PRKN: variants seen among roughly 807,000 people sequenced by gnomAD.
PRKN encodes the protein E3 ubiquitin-protein ligase parkin.
PRKN carries 56 observed loss-of-function variants against 59.5 expected under a neutral mutation model. That is an observed-to-expected ratio of 0.94 (90% CI 0.76 to 1.18). The LOEUF (loss-of-function observed/expected upper bound fraction) is 1.18, where lower values mean the gene tolerates loss of function less well. PRKN is among the 50% of genes most tolerant of loss of function. PRKN has a pLI of 0.00. For synonymous variants in PRKN, 250 were observed against 222.1 expected (o/e 1.13, Z -1.12); for missense variants, 657 against 596.4 (o/e 1.10, Z -1.06).
rs992284650 is a variant in PRKN, at chr6:161,457,864, T to C, written c.1084-70987A>G. ...ATGTAAGTTAAAGAAATAGTGGCCT[T>C]CTTTTGTCTTTCCTTTGTAGTTTTT... On this transcript the variant is annotated intron_variant, in intron 9 of 11. Coordinates refer to ENST00000366898, the MANE Select transcript of PRKN (RefSeq NM_004562.3). The surrounding 1 kb of genome is among the most constrained non-coding windows in gnomAD (Gnocchi z 5.0). Among the ~76,000 whole-genome samples the C allele has an allele frequency of 2.0e-5, 3 of 152,374 alleles. No individual in the cohort carries two copies. The highest frequency in any genetic ancestry group is 3.9e-4 in the East Asian group (2 of 5,180).
chr6:161,512,369 T>C lies in PRKN; in HGVS notation c.1083+36485A>G, dbSNP rs190155406. On this transcript the variant is annotated intron_variant, in intron 9 of 11. Transcript: ENST00000366898. ...GGCTCTGGTGCATAAGACAATATAATAAAATTATAGGGAAACAATATGATA... is the reference window on the plus strand; with the variant it reads ...GGCTCTGGTGCATAAGACAATATAACAAAATTATAGGGAAACAATATGATA... Among the ~76,000 whole-genome samples the C allele has an allele frequency of 4.5e-3, 683 of 151,956 alleles. 8 individuals are homozygous for C. Among genetic ancestry groups the C allele is most frequent in the African/African-American group, 0.016 (658 of 41,414 alleles).
intron 4 of PRKN, among the ~76,000 whole-genome samples, chr6:162,078,005 A>T (rs1419843358): frequency 3.4e-4 from 2 of 5,836 alleles, no homozygotes; most frequent in African/African-American, 7.6e-4. Context: ...TCTCTCTAAA[A>T]AAAAAAAAAA....
chr6:161,709,926 T>G (rs1786668562), intron 7 of PRKN, among the ~76,000 whole-genome samples: 1 of 152,150 alleles, frequency 6.6e-6, no homozygotes, highest in South Asian at 2.1e-4. Flanking sequence ...GCAAATATAT[T>G]AGAAAAGTTA....
At chr6:162,078,521 T>C (rs1348679483) in intron 4 of PRKN, among the ~76,000 whole-genome samples, 1 of 152,102 alleles carries the variant, frequency 6.6e-6, no homozygotes, top group African/African-American at 2.4e-5. Flanking sequence ...CTAATTTAGA[T>C]GACATTTACC....
chr6:162,438,416 T>G (rs1789887186), intron 2 of PRKN, among the ~76,000 whole-genome samples: 1 of 152,208 alleles, frequency 6.6e-6, no homozygotes, highest in African/African-American at 2.4e-5. Flanking sequence ...TTCCTTTTTT[T>G]GTTGTTTCAT....
chr6:162,357,416 A>G lies in PRKN; in HGVS notation c.171+85894T>C, dbSNP rs190807159. On this transcript the variant is annotated intron_variant, in intron 2 of 11. Coordinates refer to ENST00000366898, the MANE Select transcript of PRKN (RefSeq NM_004562.3). ...GCTCACCATCATATGTCATTATGGA[A>G]TTCAGAAATAAAACAAAATTAGATA... Among the ~76,000 whole-genome samples, 5 of 152,314 alleles carry G rather than the reference A, an allele frequency of 3.3e-5. No homozygotes were observed. In the South Asian group the frequency reaches 6.2e-4, roughly 19 times the overall value.
chr6:162,516,000 T>G (rs2128191976), intron 1 of PRKN, among the ~76,000 whole-genome samples: 1 of 152,342 alleles, frequency 6.6e-6, no homozygotes, highest in Admixed American at 6.5e-5. Context: ...CTGCGGAAAC[T>G]TAGCAGTGGA....
chr6:162,574,221 C>A (rs1780464682), intron 1 of PRKN, among the ~76,000 whole-genome samples: 1 of 152,004 alleles, frequency 6.6e-6, no homozygotes, highest in African/African-American at 2.4e-5. Flanking sequence ...TCAAAGAAGG[C>A]ACATAATTAG....
At chr6:162,491,476 A>C (rs1792814341) in intron 1 of PRKN, among the ~76,000 whole-genome samples, 1 of 152,166 alleles carries the variant, frequency 6.6e-6, no homozygotes, top group African/African-American at 2.4e-5. Flanking sequence ...CCTTTAGTCC[A>C]CCTTCATGCT....
chr6:162,415,267 G>A (rs1788570839), intron 2 of PRKN, among the ~76,000 whole-genome samples: 1 of 152,138 alleles, frequency 6.6e-6, no homozygotes, highest in South Asian at 2.1e-4. Flanking sequence ...TTTAACACGA[G>A]TGTCACACCA....
intron 7 of PRKN, among the ~76,000 whole-genome samples, chr6:161,676,110 G>A (rs996692307): frequency 5.9e-5 from 9 of 152,160 alleles, no homozygotes; most frequent in African/African-American, 2.2e-4. Flanking sequence ...TTCACTCCAG[G>A]ATCTTCCAAG....
chr6:162,131,006 A>G (rs1419466142), intron 4 of PRKN, among the ~76,000 whole-genome samples: 1 of 152,168 alleles, frequency 6.6e-6, no homozygotes, highest in African/African-American at 2.4e-5. Context: ...GCCCGAGTTC[A>G]AAATACTTTT....
intron 2 of PRKN, among the ~76,000 whole-genome samples, chr6:162,276,005 A>G (rs1301912004): frequency 6.6e-6 from 1 of 152,156 alleles, no homozygotes; most frequent in Non-Finnish European, 1.5e-5. Context: ...CCTGTAATAA[A>G]TCATTTTGAC....
intron 6 of PRKN, among the ~76,000 whole-genome samples, chr6:161,876,469 A>G (rs190661449): frequency 6.6e-6 from 1 of 152,204 alleles, no homozygotes. Flanking sequence ...ATGCCGTCAC[A>G]CCCAGCTAAT....
intron 7 of PRKN, among the ~76,000 whole-genome samples, chr6:161,632,647 C>T (rs1163260932): frequency 6.6e-6 from 1 of 152,158 alleles, no homozygotes; most frequent in African/African-American, 2.4e-5. Flanking sequence ...TAAAGACATG[C>T]TCAAGACTGG....
chr6:161,736,180 A>T (rs532284601), intron 7 of PRKN, among the ~76,000 whole-genome samples: 1 of 152,188 alleles, frequency 6.6e-6, no homozygotes, highest in Middle Eastern at 3.2e-3. Flanking sequence ...ACCACCTGTC[A>T]AAGAACTCAA....
chr6:162,213,429 T>C (rs1418244236), intron 3 of PRKN, among the ~76,000 whole-genome samples: 1 of 151,866 alleles, frequency 6.6e-6, no homozygotes, highest in Non-Finnish European at 1.5e-5. Context: ...CCTAGCATGC[T>C]CACAATAGTA....
At chr6:162,428,713 G>A (rs1239005877) in intron 2 of PRKN, among the ~76,000 whole-genome samples, 1 of 152,074 alleles carries the variant, frequency 6.6e-6, no homozygotes, top group Non-Finnish European at 1.5e-5. Context: ...AGCTACATGT[G>A]TCCCTCCATT....
At chr6:162,504,343 T>C (rs567111221) in intron 1 of PRKN, among the ~76,000 whole-genome samples, 4 of 152,262 alleles carry the variant, frequency 2.6e-5, no homozygotes, top group Admixed American at 2.6e-4. Flanking sequence ...AAGACACACT[T>C]GGAAAAGGGG....
Sources: allele counts gnomAD v4.1 joint callset (sites outside exome capture counted in the v4.1 genomes callset), GRCh38; gene constraint gnomAD v4.1.1; non-coding constraint Gnocchi (gnomAD v3.1); transcripts MANE v1.5; gene names NCBI Gene and HGNC (gene_info 2026-07-23, HGNC 2026-07-21).